RNF2: variants seen among roughly 807,000 people sequenced by gnomAD.
RNF2 encodes the protein ring finger protein 2, also known as E3 ubiquitin-protein ligase RING2.
In RNF2, 6 loss-of-function variants were observed where a neutral mutation model predicts 37.2. That is an observed-to-expected ratio of 0.16 (90% confidence interval 0.09 to 0.32). The LOEUF (loss-of-function observed/expected upper bound fraction) is 0.32. RNF2 is among the 10% of genes least tolerant of loss of function. The pLI is 1.00. For missense variants in RNF2, 251 were observed against 404.0 expected (o/e 0.62, Z 3.25); for synonymous variants, 133 against 132.7 (o/e 1.00, Z -0.02).
At chr1:185,084,488 G>C (rs1481218300) in intron 1 of RNF2, among the ~76,000 whole-genome samples, 2 of 152,188 alleles carry the variant, frequency 1.3e-5, no homozygotes, top group African/African-American at 4.8e-5. Context: ...CAGATAGTTT[G>C]AGGGGTTTTG....
intron 1 of RNF2, among the ~76,000 whole-genome samples, chr1:185,084,880 T>A (rs149830416): frequency 7.1e-4 from 108 of 152,300 alleles, no homozygotes; most frequent in African/African-American, 2.5e-3. Flanking sequence ...TATGACTGAA[T>A]AATCAAACTC....
chr1:185,047,463 A>G (rs1215349014), intron 1 of RNF2, among the ~76,000 whole-genome samples: 1 of 152,240 alleles, frequency 6.6e-6, no homozygotes, highest in Non-Finnish European at 1.5e-5. Flanking sequence ...TTAGTGACCT[A>G]CAGTTTGTGG....
chr1:185,052,902 C>G (rs1167504693), intron 1 of RNF2, among the ~76,000 whole-genome samples: 1 of 152,186 alleles, frequency 6.6e-6, no homozygotes, highest in African/African-American at 2.4e-5. Flanking sequence ...GATGGCTGTA[C>G]TACAGCTACA....
intron 2 of RNF2, among the ~76,000 whole-genome samples, chr1:185,087,974 T>C (rs1034965254): frequency 3.3e-5 from 5 of 152,174 alleles, no homozygotes; most frequent in Non-Finnish European, 7.3e-5. Context: ...CTGTAATAAG[T>C]ACTGATAAGG....
chr1:185,081,650 A>G (rs1651410411), intron 1 of RNF2, among the ~76,000 whole-genome samples: 1 of 151,580 alleles, frequency 6.6e-6, no homozygotes, highest in Non-Finnish European at 1.5e-5. Context: ...ACCTCAGGTG[A>G]TCACCTGCCC....
At chr1:185,082,844 A>C (rs1464743225) in intron 1 of RNF2, among the ~76,000 whole-genome samples, 1 of 152,258 alleles carries the variant, frequency 6.6e-6, no homozygotes, top group Non-Finnish European at 1.5e-5. Flanking sequence ...TAAAATGAAC[A>C]GCAAGTAACA....
intron 1 of RNF2, among the ~76,000 whole-genome samples, chr1:185,078,607 C>T (rs1185326490): frequency 2.0e-5 from 3 of 152,152 alleles, no homozygotes; most frequent in African/African-American, 7.2e-5. Context: ...TGAAGGTGGC[C>T]TGGCGCAGTG....
intron 2 of RNF2, among the ~76,000 whole-genome samples, chr1:185,088,960 T>A (rs1651684827): frequency 6.6e-6 from 1 of 151,634 alleles, no homozygotes; most frequent in Non-Finnish European, 1.5e-5. Context: ...TGAATGGGCA[T>A]TGTATTAAGT....
rs189652309 is a variant in RNF2 at position 185,058,116 on chromosome 1, A to T, written c.-3+12467A>T. Reference sequence around the variant, plus strand: ...ATTCCAGCATTGCTGACAGAGCGATACCCCATCTCAGATAATAATAGTAAT... The same window carrying T: ...ATTCCAGCATTGCTGACAGAGCGATTCCCCATCTCAGATAATAATAGTAAT... On this transcript the variant is annotated intron_variant, in intron 1 of 6. Coordinates refer to ENST00000367510, the MANE Select transcript of RNF2 (RefSeq NM_007212.4). Among the ~76,000 whole-genome samples, 17 of 152,348 alleles carry T rather than the reference A, an allele frequency of 1.1e-4. 1 individual carries two copies. The highest frequency in any genetic ancestry group is 3.8e-4 in the East Asian group (2 of 5,196).
At position 185,101,579 on chromosome 1, in the gene RNF2, A is replaced by G. The variant is rs1167560271; in HGVS notation, c.*1278A>G. Reference sequence around the variant, plus strand: ...TCTCCAGACTCTAGGTATATTTCCAACTTTATATATCACAGTATTTAAAAA... The same window carrying G: ...TCTCCAGACTCTAGGTATATTTCCAGCTTTATATATCACAGTATTTAAAAA... On this transcript the variant is annotated 3_prime_UTR_variant, in exon 7 of 7. Coordinates refer to ENST00000367510, the MANE Select transcript of RNF2 (RefSeq NM_007212.4). 1 of 152,502 alleles carries G rather than the reference A, an allele frequency of 6.6e-6. No homozygotes were observed. Among genetic ancestry groups the G allele is most frequent in the Admixed American group, 6.6e-5 (1 of 15,262 alleles). 9.4% of individuals were successfully genotyped at this position (152,502 alleles called of 1,614,324 possible).
chr1:185,061,762 A>C (rs1332667972), intron 1 of RNF2, among the ~76,000 whole-genome samples: 1 of 152,178 alleles, frequency 6.6e-6, no homozygotes, highest in African/African-American at 2.4e-5. Context: ...AAGGTAGAGT[A>C]TTTTCTTAGC....
At chr1:185,082,279 G>A (rs866219061) in intron 1 of RNF2, among the ~76,000 whole-genome samples, 21 of 150,312 alleles carry the variant, frequency 1.4e-4, no homozygotes, top group African/African-American at 4.6e-4. Context: ...TCAGTTGGTC[G>A]TTGTCAACTT....
chr1:185,069,456 T>TAA (rs768648029), intron 1 of RNF2, among the ~76,000 whole-genome samples: 41 of 94,166 alleles, frequency 4.4e-4, no homozygotes, highest in South Asian at 1.9e-3. Flanking sequence ...AGACCCTGTC[T>TAA]AAAAAAAAAA....
chr1:185,076,931 T>C (rs1028131605), intron 1 of RNF2, among the ~76,000 whole-genome samples: 1 of 152,150 alleles, frequency 6.6e-6, no homozygotes, highest in African/African-American at 2.4e-5. Flanking sequence ...TGGGATTGCA[T>C]TGCATTGAAT....
intron 1 of RNF2, among the ~76,000 whole-genome samples, chr1:185,062,173 C>G (rs1297842503): frequency 6.6e-6 from 1 of 152,080 alleles, no homozygotes; most frequent in African/African-American, 2.4e-5. Flanking sequence ...AGTTGTGTTG[C>G]TTTTTCAAAG....
At chr1:185,085,475 A>G (rs918629028) in intron 1 of RNF2, among the ~76,000 whole-genome samples, 1 of 151,766 alleles carries the variant, frequency 6.6e-6, no homozygotes. Flanking sequence ...TATATCATTT[A>G]GTGCTCTCTC....
intron 1 of RNF2, among the ~76,000 whole-genome samples, chr1:185,058,616 C>G (rs943515351): frequency 1.3e-5 from 2 of 152,120 alleles, no homozygotes; most frequent in Non-Finnish European, 2.9e-5. Context: ...ATGAGTTTTG[C>G]TTTTGAGAGA....
chr1:185,055,087 C>G (rs577312074), intron 1 of RNF2, among the ~76,000 whole-genome samples: 1 of 152,350 alleles, frequency 6.6e-6, no homozygotes, highest in Admixed American at 6.5e-5. Context: ...AAAACTATCA[C>G]TTTGCAGATT....
chr1:185,086,418 G>C (rs1466505438), intron 1 of RNF2, among the ~76,000 whole-genome samples: 1 of 151,956 alleles, frequency 6.6e-6, no homozygotes, highest in African/African-American at 2.4e-5. Flanking sequence ...CCTACTCAAA[G>C]ACAAGCAGAG....
Sources: allele counts gnomAD v4.1 joint callset (sites outside exome capture counted in the v4.1 genomes callset), GRCh38; gene constraint gnomAD v4.1.1; transcripts MANE v1.5; gene names NCBI Gene and HGNC (gene_info 2026-07-23, HGNC 2026-07-21).